PRKAG2: variants seen among roughly 807,000 people sequenced by gnomAD.
PRKAG2 encodes protein kinase AMP-activated non-catalytic subunit gamma 2, also known as 5'-AMP-activated protein kinase subunit gamma-2.
Under a neutral mutation model 69.6 loss-of-function variants are expected in PRKAG2, and 26 were observed. That is an observed-to-expected ratio of 0.37 (90% CI 0.27 to 0.52). The LOEUF is 0.52. Among genes scored for constraint, PRKAG2 ranks in the 20% least tolerant of loss-of-function variants. The probability of loss-of-function intolerance (pLI) is 0.90; values close to 1 mark genes in which losing one functional copy is unlikely to be tolerated. For missense variants in PRKAG2, 557 were observed against 740.0 expected, an observed-to-expected ratio of 0.75 and a Z score of 2.87; for synonymous variants, 293 against 285.0, an observed-to-expected ratio of 1.03 and a Z score of -0.28.
At chr7:151,747,518 C>T (rs1036592548) in intron 3 of PRKAG2, among the ~76,000 whole-genome samples, 4 of 152,108 alleles carry the variant, frequency 2.6e-5, no homozygotes, top group Admixed American at 6.5e-5. Flanking sequence ...GATTGCGCCA[C>T]TGCACTCCAG....
Position 151,777,249 on chromosome 7 carries a change from C to T in PRKAG2, c.466+3903G>A, listed in dbSNP as rs751941862. 3.9e-5 allele frequency among the ~76,000 whole-genome samples: 6 copies of T among 152,204 alleles called. No individual in the cohort carries two copies. The highest frequency in any genetic ancestry group is 6.5e-5 in the Admixed American group (1 of 15,286). ...ATGTGGACACCAGCAGAGTCATCCC[C>T]AGGCCTGTGCCTGCGTTCCCTCACT... is the stretch of plus-strand genomic sequence containing the variant. On this transcript the variant is annotated intron_variant, in intron 3 of 15. Coordinates refer to ENST00000287878, the MANE Select transcript of PRKAG2 (RefSeq NM_016203.4). The surrounding 1 kb of genome is among the most constrained non-coding windows in gnomAD (Gnocchi z 4.3).
At chr7:151,640,539 C>G (rs1002985635) in intron 4 of PRKAG2, among the ~76,000 whole-genome samples, 4 of 151,836 alleles carry the variant, frequency 2.6e-5, no homozygotes, top group Non-Finnish European at 4.4e-5. Context: ...AGCATTCTGG[C>G]CTCCTTGTTT....
chr7:151,831,173 C>T (rs1407394057), intron 1 of PRKAG2, among the ~76,000 whole-genome samples: 1 of 152,196 alleles, frequency 6.6e-6, no homozygotes, highest in Non-Finnish European at 1.5e-5. Flanking sequence ...TGGAAAACTG[C>T]CTGGCAGTGC....
At chr7:151,660,453 C>A (rs1830147451) in intron 4 of PRKAG2, among the ~76,000 whole-genome samples, 1 of 152,220 alleles carries the variant, frequency 6.6e-6, no homozygotes, top group South Asian at 2.1e-4. Flanking sequence ...AATAGCAATA[C>A]AACCTCTATC....
At position 151,762,826 on chromosome 7, in the gene PRKAG2, C is replaced by T. The variant is rs576278998; in HGVS notation, c.466+18326G>A. Among the ~76,000 whole-genome samples, 14 of 152,296 alleles carry T rather than the reference C, an allele frequency of 9.2e-5. 1 individual carries two copies. The South Asian group carries it at 1.9e-3, about 20-fold the overall frequency. ...TAAGAAGCATCCTTTACAGAGCAGA[C>T]GGCACATTCAGACACATGCCCACAG... On this transcript the variant is annotated intron_variant, in intron 3 of 15. Coordinates refer to ENST00000287878, the MANE Select transcript of PRKAG2 (RefSeq NM_016203.4).
chr7:151,714,618 GA>G (rs1337769925), intron 3 of PRKAG2, among the ~76,000 whole-genome samples: 1 of 152,188 alleles, frequency 6.6e-6, no homozygotes, highest in African/African-American at 2.4e-5. Flanking sequence ...TCATTATAAA[GA>G]AAAGTGAAAT....
chr7:151,635,671 C>T (rs930741787), intron 4 of PRKAG2, among the ~76,000 whole-genome samples: 4 of 151,782 alleles, frequency 2.6e-5, no homozygotes, highest in South Asian at 2.1e-4. Flanking sequence ...TAGTGGATGC[C>T]GGGGATCAGG....
At chr7:151,786,671 G>A (rs2077026070) in intron 1 of PRKAG2, 130 bp from the exon 2 acceptor site, 2 of 778,352 alleles carry the variant, frequency 2.6e-6, no homozygotes, top group Admixed American at 4.2e-5. Context: ...AAGAAGGGAT[G>A]TGGACGTGTT....
At chr7:151,802,186 C>T (rs952711597) in intron 1 of PRKAG2, among the ~76,000 whole-genome samples, 7 of 152,194 alleles carry the variant, frequency 4.6e-5, no homozygotes, top group Non-Finnish European at 8.8e-5. Flanking sequence ...GCCAGAGGAC[C>T]GTCCCCTTTG....
intron 3 of PRKAG2, among the ~76,000 whole-genome samples, chr7:151,773,095 GAA>G (rs1701841499): frequency 1.3e-5 from 1 of 78,964 alleles, no homozygotes; most frequent in Non-Finnish European, 2.6e-5. Flanking sequence ...GGGAGGGAGG[GAA>G]GGGAAGGGAA....
intron 1 of PRKAG2, among the ~76,000 whole-genome samples, chr7:151,871,410 G>A (rs112898575): frequency 4.5e-4 from 69 of 152,322 alleles, no homozygotes; most frequent in Non-Finnish European, 7.5e-4. Flanking sequence ...TTGCTACTTT[G>A]AAAGGCCAGC....
At chr7:151,573,856 G>A (rs1489612084) in intron 8 of PRKAG2, among the ~76,000 whole-genome samples, 3 of 152,142 alleles carry the variant, frequency 2.0e-5, no homozygotes, top group African/African-American at 7.2e-5. Context: ...TCGGCTCACT[G>A]CAACCTCCGC....
chr7:151,825,947 G>C (rs912051806), intron 1 of PRKAG2, among the ~76,000 whole-genome samples: 2 of 152,064 alleles, frequency 1.3e-5, no homozygotes, highest in Non-Finnish European at 2.9e-5. Context: ...CAGCATCCAG[G>C]GTGACCAATT....
At chr7:151,658,942 A>T (rs1235632306) in intron 4 of PRKAG2, among the ~76,000 whole-genome samples, 1 of 152,192 alleles carries the variant, frequency 6.6e-6, no homozygotes, top group East Asian at 1.9e-4. Flanking sequence ...GTAAGATTGG[A>T]GGGGAAGGGA....
At chr7:151,786,593 G>A (rs1410497592) in intron 1 of PRKAG2, 52 bp from the exon 2 acceptor site, 21 of 1,474,652 alleles carry the variant, frequency 1.4e-5, no homozygotes, top group Non-Finnish European at 2.0e-5. Flanking sequence ...CGGGCCCAGG[G>A]GCTGCATGGA....
intron 4 of PRKAG2, among the ~76,000 whole-genome samples, chr7:151,657,260 G>A (rs534405669): frequency 1.2e-3 from 188 of 152,172 alleles, no homozygotes; most frequent in African/African-American, 3.5e-3. Context: ...AGCAAACATC[G>A]CCTATGGAAG....
At chr7:151,711,815 T>A (rs1795366976) in intron 3 of PRKAG2, among the ~76,000 whole-genome samples, 1 of 152,236 alleles carries the variant, frequency 6.6e-6, no homozygotes, top group Non-Finnish European at 1.5e-5. Context: ...CGCTAGCCTG[T>A]CTCAACTCAG....
At chr7:151,872,799 C>T (rs1243901353) in intron 1 of PRKAG2, among the ~76,000 whole-genome samples, 1 of 152,178 alleles carries the variant, frequency 6.6e-6, no homozygotes, top group East Asian at 1.9e-4. Context: ...AAGAGGCAGT[C>T]CACCAAGGCT....
At chr7:151,779,851 C>T (rs920091102) in intron 3 of PRKAG2, among the ~76,000 whole-genome samples, 1 of 152,192 alleles carries the variant, frequency 6.6e-6, no homozygotes, top group Non-Finnish European at 1.5e-5. Context: ...CAGGACGGGC[C>T]TGATTTCCTT....
Sources: gnomAD v4.1 joint callset for allele counts (sites outside exome capture counted in the v4.1 genomes callset) on GRCh38, gnomAD v4.1.1 for gene constraint, Gnocchi (gnomAD v3.1) non-coding constraint, MANE v1.5 for transcripts, NCBI Gene and HGNC (gene_info 2026-07-23, HGNC 2026-07-21) for gene names.